GRIA1: variants seen among roughly 807,000 people sequenced by gnomAD.
GRIA1 encodes glutamate receptor 1.
GRIA1 carries 31 observed loss-of-function variants against 99.2 expected under a neutral mutation model. The observed-to-expected ratio is 0.31, with a 90% CI of 0.23 to 0.42. GRIA1 has a LOEUF of 0.42. Among genes scored for constraint, GRIA1 ranks in the 10% least tolerant of loss-of-function variants. The probability of loss-of-function intolerance (pLI) is 1.00; values close to 1 mark genes in which losing one functional copy is unlikely to be tolerated. For missense variants in GRIA1, 782 were observed against 1,157.5 expected (o/e 0.68, Z 4.71); for synonymous variants, 438 against 432.4 (o/e 1.01, Z -0.16).
chr5:153,775,496 G>A (rs548006311), intron 13 of GRIA1, among the ~76,000 whole-genome samples: 1 of 152,318 alleles, frequency 6.6e-6, no homozygotes. Context: ...CAGGAGTGCA[G>A]TACAGCTTCA....
rs1186384673 is a variant in GRIA1, at chr5:153,802,345, C to T, written c.2386-11C>T. ...TCCCCCTCCCCTTCCTTTCCCTCCT[C>T]CTCTTCTTAGGACAAGACAAGCGCT... On this transcript the variant is annotated splice_polypyrimidine_tract_variant and intron_variant, in intron 14 of 15. Transcript: ENST00000285900. The T allele has an allele frequency of 1.9e-6, 3 of 1,613,608 alleles. No homozygotes were observed. Among genetic ancestry groups the T allele is most frequent in the Middle Eastern group, 1.7e-4 (1 of 6,024 alleles).
chr5:153,759,431 T>C (rs966557862), intron 11 of GRIA1, among the ~76,000 whole-genome samples: 4 of 151,866 alleles, frequency 2.6e-5, no homozygotes, highest in African/African-American at 9.7e-5. Context: ...TTGTGATAAC[T>C]ATACACAACA....
chr5:153,699,148 G>A, intron 10 of GRIA1, 75 bp downstream of exon 10: 1 of 1,024,962 alleles, frequency 9.8e-7, no homozygotes, highest in Non-Finnish European at 1.5e-6. Context: ...GTGGTTGGGT[G>A]GCCCTGCCCA....
At chr5:153,606,242 C>T (rs1765423747) in intron 2 of GRIA1, among the ~76,000 whole-genome samples, 1 of 152,024 alleles carries the variant, frequency 6.6e-6, no homozygotes, top group Non-Finnish European at 1.5e-5. Context: ...ATCAAGTGAC[C>T]AAGTATGTCT....
chr5:153,785,136 A>G (rs1764892155), intron 13 of GRIA1, among the ~76,000 whole-genome samples: 1 of 152,160 alleles, frequency 6.6e-6, no homozygotes, highest in South Asian at 2.1e-4. Context: ...AAGAGAAAGG[A>G]GGAAAAGGTG....
intron 2 of GRIA1, among the ~76,000 whole-genome samples, chr5:153,628,201 T>C (rs886815253): frequency 6.6e-6 from 1 of 152,142 alleles, no homozygotes; most frequent in Non-Finnish European, 1.5e-5. Context: ...AGAGGTGGTG[T>C]CTAAGTGGGA....
chr5:153,779,814 C>A (rs1764517460), intron 13 of GRIA1, among the ~76,000 whole-genome samples: 2 of 152,210 alleles, frequency 1.3e-5, no homozygotes, highest in Non-Finnish European at 1.5e-5. Flanking sequence ...TCCGCCTCGG[C>A]CTCCCAAAGT....
At chr5:153,782,058 C>A (rs1355667694) in intron 13 of GRIA1, among the ~76,000 whole-genome samples, 1 of 152,144 alleles carries the variant, frequency 6.6e-6, no homozygotes, top group Non-Finnish European at 1.5e-5. Flanking sequence ...AGTGCAAACA[C>A]TATGGTAAAT....
At chr5:153,604,532 CAA>C (rs761530620) in intron 2 of GRIA1, among the ~76,000 whole-genome samples, 31 of 152,134 alleles carry the variant, frequency 2.0e-4, no homozygotes, top group Admixed American at 5.9e-4. Flanking sequence ...AACACTCAGC[CAA>C]GTCAAGAATT....
chr5:153,655,716 G>A (rs1458200055), intron 4 of GRIA1, 103 bp from the exon 5 acceptor site: 1 of 887,094 alleles, frequency 1.1e-6, no homozygotes, highest in Non-Finnish European at 1.9e-6. Flanking sequence ...ACTTAGGGTA[G>A]GGCACATTGT....
intron 2 of GRIA1, among the ~76,000 whole-genome samples, chr5:153,645,456 T>G (rs1754077797): frequency 6.6e-6 from 1 of 152,132 alleles, no homozygotes; most frequent in African/African-American, 2.4e-5. Flanking sequence ...CCAAAAGATT[T>G]TCAATAACAT....
intron 11 of GRIA1, among the ~76,000 whole-genome samples, chr5:153,728,366 A>G (rs1219372193): frequency 1.3e-5 from 2 of 148,332 alleles, no homozygotes; most frequent in Admixed American, 6.8e-5. Context: ...TGGCAACAAA[A>G]GCCAAAATTG....
chr5:153,674,589 G>T lies in GRIA1; in HGVS notation c.789G>T (p.Pro263=), dbSNP rs763737637. ...FQLVNYTDTI[P]AKIMQQWKNS... Reference sequence around the variant, plus strand: ...TGGTGAACTACACAGACACTATTCCGGCCAAGATCATGCAGCAGTGGAAGA... The same window carrying T: ...TGGTGAACTACACAGACACTATTCCTGCCAAGATCATGCAGCAGTGGAAGA... Residue 263 remains proline, a synonymous_variant, in exon 6 of 16, where the codon CCG becomes CCT. Transcript: ENST00000285900. The T allele has an allele frequency of 6.2e-7, 1 of 1,613,900 alleles. No individual in the cohort carries two copies. Among genetic ancestry groups the T allele is most frequent in the Admixed American group, 1.7e-5 (1 of 59,986 alleles).
At chr5:153,540,901 GA>G (rs1400564610) in intron 2 of GRIA1, among the ~76,000 whole-genome samples, 2 of 152,154 alleles carry the variant, frequency 1.3e-5, no homozygotes. Flanking sequence ...GTAGCTTTGG[GA>G]ATTGAATGAA....
At chr5:153,736,098 C>T (rs940097911) in intron 11 of GRIA1, among the ~76,000 whole-genome samples, 2 of 152,178 alleles carry the variant, frequency 1.3e-5, no homozygotes, top group Admixed American at 6.5e-5. Context: ...GAGGAGGGAG[C>T]CAAGCCCTGA....
At chr5:153,516,670 G>A (rs1238658761) in intron 2 of GRIA1, among the ~76,000 whole-genome samples, 1 of 151,954 alleles carries the variant, frequency 6.6e-6, no homozygotes, top group African/African-American at 2.4e-5. Context: ...CTGTTGGCTG[G>A]GGAGACAAAA....
intron 13 of GRIA1, among the ~76,000 whole-genome samples, chr5:153,784,405 T>TA (rs34530863): frequency 6.6e-6 from 1 of 151,850 alleles, no homozygotes; most frequent in Non-Finnish European, 1.5e-5. Context: ...TCATTTGCTT[T>TA]AAAAAAAAAT....
intron 2 of GRIA1, among the ~76,000 whole-genome samples, chr5:153,504,163 T>C (rs1755265856): frequency 6.6e-6 from 1 of 152,052 alleles, no homozygotes; most frequent in Non-Finnish European, 1.5e-5. Flanking sequence ...GAAATCATCA[T>C]TTTTAGAGCT....
At chr5:153,557,196 A>C (rs190631499) in intron 2 of GRIA1, among the ~76,000 whole-genome samples, 1 of 152,278 alleles carries the variant, frequency 6.6e-6, no homozygotes, top group East Asian at 1.9e-4. Flanking sequence ...GGACATTACT[A>C]TGCACTACTA....
Sources: allele counts gnomAD v4.1 joint callset (sites outside exome capture counted in the v4.1 genomes callset), GRCh38; gene constraint gnomAD v4.1.1; transcripts MANE v1.5; gene names NCBI Gene and HGNC (gene_info 2026-07-23, HGNC 2026-07-21).